The following GALNT17 variants were observed in gnomAD, a reference collection of about 807,000 sequenced individuals.
GALNT17 encodes the protein polypeptide N-acetylgalactosaminyltransferase 17.
In GALNT17, 29 loss-of-function variants were observed where a neutral mutation model predicts 63.7. That is an observed-to-expected ratio of 0.46 (90% CI 0.34 to 0.62). The LOEUF is 0.62. Among genes scored for constraint, GALNT17 ranks in the 20% least tolerant of loss-of-function variants. GALNT17 has a pLI of 0.01. For missense variants in GALNT17, 603 were observed against 799.6 expected (o/e 0.75, Z 2.97); for synonymous variants, 305 against 318.3 (o/e 0.96, Z 0.45).
intron 5 of GALNT17, among the ~76,000 whole-genome samples, chr7:71,443,858 G>A (rs1020983348): frequency 1.3e-5 from 2 of 152,024 alleles, no homozygotes; most frequent in Non-Finnish European, 2.9e-5. Context: ...CCGAGTGGCT[G>A]GGACTACAGG....
chr7:71,515,014 TTC>T (rs1788423235), intron 5 of GALNT17, among the ~76,000 whole-genome samples: 1 of 152,338 alleles, frequency 6.6e-6, no homozygotes, highest in East Asian at 1.9e-4. Context: ...TTGGCTTTCA[TTC>T]TCTCTTGCCT....
rs1786619379 is a variant in GALNT17 at position 71,419,531 on chromosome 7, A to G, written c.765-1377A>G. ...AGTTGATTAGCAAAGGCAGCTGCGC[A>G]GTCATTGTGACTTGAATAAGGTGGG... is the stretch of plus-strand genomic sequence containing the variant. On this transcript the variant is annotated intron_variant, in intron 4 of 10. Coordinates refer to ENST00000333538, the MANE Select transcript of GALNT17 (RefSeq NM_022479.3). 2.0e-5 allele frequency among the ~76,000 whole-genome samples: 3 copies of G among 152,224 alleles called. No individual in the cohort carries two copies. In the South Asian group the frequency reaches 6.2e-4, roughly 32 times the overall value.
At chr7:71,218,633 C>G (rs1011444310) in intron 1 of GALNT17, among the ~76,000 whole-genome samples, 4 of 152,020 alleles carry the variant, frequency 2.6e-5, no homozygotes, top group African/African-American at 9.7e-5. Context: ...TGGTGGCAAG[C>G]GATCGAAGCT....
intron 5 of GALNT17, among the ~76,000 whole-genome samples, chr7:71,428,170 G>A (rs1362490008): frequency 6.6e-5 from 10 of 152,116 alleles, no homozygotes; most frequent in East Asian, 1.9e-4. Flanking sequence ...CCAGTGTTGT[G>A]CAACTATCTC....
intron 5 of GALNT17, among the ~76,000 whole-genome samples, chr7:71,546,471 C>G (rs1788986757): frequency 1.3e-5 from 2 of 152,110 alleles, no homozygotes; most frequent in South Asian, 2.1e-4. Flanking sequence ...TGACAACTTT[C>G]TTTTATGCCC....
chr7:71,211,308 C>T (rs577672742), intron 1 of GALNT17, among the ~76,000 whole-genome samples: 7 of 152,260 alleles, frequency 4.6e-5, no homozygotes, highest in African/African-American at 9.6e-5. Flanking sequence ...CAGGGGTTTC[C>T]GCTTTTGCTT....
intron 6 of GALNT17, among the ~76,000 whole-genome samples, chr7:71,654,762 G>A (rs533215884): frequency 2.0e-5 from 3 of 152,182 alleles, no homozygotes; most frequent in East Asian, 1.9e-4. Flanking sequence ...GGCTTTCACC[G>A]GGAGGGTTTT....
At chr7:71,245,310 A>C (rs1430890678) in intron 1 of GALNT17, among the ~76,000 whole-genome samples, 2 of 152,178 alleles carry the variant, frequency 1.3e-5, no homozygotes, top group Admixed American at 6.5e-5. Flanking sequence ...TGCTAAAAAG[A>C]GAGACTATTT....
intron 5 of GALNT17, among the ~76,000 whole-genome samples, chr7:71,499,659 C>G (rs1476456859): frequency 1.3e-5 from 2 of 152,212 alleles, no homozygotes; most frequent in Non-Finnish European, 2.9e-5. Flanking sequence ...TGGCCTCCAT[C>G]TGCCTGAAAT....
At chr7:71,183,901 A>T (rs1427818683) in intron 1 of GALNT17, among the ~76,000 whole-genome samples, 1 of 152,088 alleles carries the variant, frequency 6.6e-6, no homozygotes, top group African/African-American at 2.4e-5. Flanking sequence ...AAAAAAAAAA[A>T]ATCAACACAC....
chr7:71,670,146 T>C (rs774688538), intron 8 of GALNT17, 37 bp downstream of exon 8: 2 of 1,613,342 alleles, frequency 1.2e-6, no homozygotes, highest in Non-Finnish European at 1.7e-6. Context: ...CTTGGAATGC[T>C]GTTCAATATG....
chr7:71,430,521 C>T (rs1240165730), intron 5 of GALNT17, among the ~76,000 whole-genome samples: 2 of 152,206 alleles, frequency 1.3e-5, no homozygotes, highest in Non-Finnish European at 1.5e-5. Flanking sequence ...AGTCAGGCAT[C>T]TTCTGTGAGG....
chr7:71,626,913 T>A (rs929049155), intron 6 of GALNT17, among the ~76,000 whole-genome samples: 22 of 152,078 alleles, frequency 1.4e-4, no homozygotes, highest in African/African-American at 4.3e-4. Context: ...GGTGATGGGG[T>A]CTCAATGGCC....
intron 2 of GALNT17, among the ~76,000 whole-genome samples, chr7:71,362,559 C>T (rs1020908302): frequency 5.9e-5 from 9 of 152,136 alleles, no homozygotes; most frequent in Non-Finnish European, 5.9e-5. Flanking sequence ...ATTCATTGAT[C>T]CCATTTTGCC....
chr7:71,293,847 T>C (rs771047644), intron 1 of GALNT17, among the ~76,000 whole-genome samples: 1 of 152,200 alleles, frequency 6.6e-6, no homozygotes, highest in South Asian at 2.1e-4. Context: ...GAGGCACTTT[T>C]CTCTTTCTGC....
intron 5 of GALNT17, among the ~76,000 whole-genome samples, chr7:71,549,696 C>A (rs568970760): frequency 7.0e-4 from 106 of 152,082 alleles, no homozygotes; most frequent in African/African-American, 2.4e-3. Flanking sequence ...AGAAAAAGTT[C>A]TTTTCTGTTA....
At chr7:71,501,135 A>C (rs1788174097) in intron 5 of GALNT17, among the ~76,000 whole-genome samples, 1 of 151,876 alleles carries the variant, frequency 6.6e-6, no homozygotes, top group African/African-American at 2.4e-5. Flanking sequence ...TGCTCAGCTA[A>C]TTTTTGTATT....
chr7:71,174,856 C>T (rs912219890), intron 1 of GALNT17, among the ~76,000 whole-genome samples: 4 of 152,002 alleles, frequency 2.6e-5, no homozygotes, highest in South Asian at 4.2e-4. Context: ...GATGGCTTAG[C>T]GTGGGCTCAG....
At chr7:71,243,770 G>A (rs1046089679) in intron 1 of GALNT17, among the ~76,000 whole-genome samples, 2 of 151,970 alleles carry the variant, frequency 1.3e-5, no homozygotes, top group South Asian at 4.2e-4. Context: ...CACATTTGGG[G>A]GCAGATAGTA....
Sources: gnomAD v4.1 joint callset for allele counts (sites outside exome capture counted in the v4.1 genomes callset) on GRCh38, gnomAD v4.1.1 for gene constraint, MANE v1.5 for transcripts, NCBI Gene and HGNC (gene_info 2026-07-23, HGNC 2026-07-21) for gene names.